The following HTRA4 variants were observed in gnomAD, a reference collection of about 807,000 sequenced individuals.
The protein encoded by HTRA4 is HtrA serine peptidase 4.
A neutral mutation model predicts 49.1 loss-of-function variants in HTRA4; 46 were observed. That is an observed-to-expected ratio of 0.94 (90% CI 0.74 to 1.20). The LOEUF (loss-of-function observed/expected upper bound fraction) is 1.20. Among genes scored for constraint, HTRA4 ranks in the 50% most tolerant of loss-of-function variants. HTRA4 has a pLI of 0.00. For missense variants in HTRA4, 602 were observed against 636.9 expected (o/e 0.95, Z 0.59); for synonymous variants, 261 against 264.0 (o/e 0.99, Z 0.11).
chr8:38,979,223 T>C lies in HTRA4; in HGVS notation c.975T>C (p.Asn325=). ...VQIDATINYG[N]SGGPLVNLDG... is the part of the protein sequence containing the mutation. Reference sequence around the variant, plus strand: ...TCAAATTCTGCTTTTAGTATGGGAATTCTGGTGGTCCTCTGGTGAACTTGG... The same window carrying C: ...TCAAATTCTGCTTTTAGTATGGGAACTCTGGTGGTCCTCTGGTGAACTTGG... Residue 325 remains asparagine, a synonymous_variant, in exon 5 of 9, where the codon AAT becomes AAC. Transcript: ENST00000302495. The C allele has an allele frequency of 1.2e-6, 2 of 1,613,288 alleles. No homozygotes were observed. Among genetic ancestry groups the C allele is most frequent in the Non-Finnish European group, 1.7e-6 (2 of 1,179,190 alleles).
Position 38,974,601 on chromosome 8 carries a change from G to GCA in HTRA4, c.338_339insCA (p.Ala114ArgfsTer94). 9.1e-6 allele frequency: 13 copies of GCA among 1,426,988 alleles called. No homozygotes were observed. Among genetic ancestry groups the GCA allele is most frequent in the Non-Finnish European group, 1.0e-5 (11 of 1,096,868 alleles). The allele number at this position is 1,426,988 out of a possible 1,614,324, so 88.4% of individuals were successfully genotyped here. On this transcript the variant is annotated frameshift_variant, in exon 1 of 9. Coordinates refer to ENST00000302495, the MANE Select transcript of HTRA4 (RefSeq NM_153692.4). LOFTEE classifies it high-confidence loss of function. ...ACCTGCGGTTGCCCGACGCTGGGAG[G>GCA]GGCCGTGTGCGGCAGCGACAGGCGC...
chr8:38,979,450 T>C (rs1835393343), intron 5 of HTRA4, among the ~76,000 whole-genome samples: 1 of 152,150 alleles, frequency 6.6e-6, no homozygotes, highest in Non-Finnish European at 1.5e-5. Flanking sequence ...ACTTTACATA[T>C]TCCATGATGC....
intron 6 of HTRA4, among the ~76,000 whole-genome samples, chr8:38,981,980 TG>T (rs1206042934): frequency 6.6e-6 from 1 of 152,048 alleles, no homozygotes; most frequent in African/African-American, 2.4e-5. Context: ...TCCGAGTAGC[TG>T]GGACTACAGG....
Position 38,974,722 on chromosome 8 carries a change from G to A in HTRA4, c.459G>A (p.Gly153=), listed in dbSNP as rs764542751. ...TGCCTGTGCAGTGGGGGAACTGCGG[G>A]GATACAGGTGAGCCGCGGGGGCGCG... ...PAVPVQWGNC[G]DTGTRSAGPL... The change falls in exon 1 of 9, where the codon GGG becomes GGA. Residue 153 remains glycine, a synonymous_variant. Coordinates refer to ENST00000302495, the MANE Select transcript of HTRA4 (RefSeq NM_153692.4). 4.9e-6 allele frequency: 7 copies of A among 1,426,588 alleles called. No individual in the cohort carries two copies. In the African/African-American group the frequency reaches 5.8e-5, roughly 12 times the overall value. 88.4% of individuals were successfully genotyped at this position (1,426,588 alleles called of 1,614,324 possible). A position where few individuals can be genotyped will look rare whatever the true frequency, so the allele number is the denominator to read the frequency against.
In HTRA4 at chr8:38,976,520, G is replaced by A. The variant is rs577387787; in HGVS notation, c.567-15G>A. On this transcript the variant is annotated splice_polypyrimidine_tract_variant and intron_variant, in intron 2 of 8. Transcript: ENST00000302495. The stretch of plus-strand genomic sequence containing the variant: ...TTTCTTGCCCTCTGTTTACACTATT[G>A]TCTTGTGGAGACAGGTTACTTCACG... 1.2e-5 allele frequency: 19 copies of A among 1,612,986 alleles called. No homozygotes were observed. In the Admixed American group the frequency reaches 3.0e-4, roughly 25 times the overall value.
At chr8:38,974,886 T>G (rs932108522) in intron 1 of HTRA4, 145 bp from the exon 2 acceptor site, 36 of 1,208,438 alleles carry the variant, frequency 3.0e-5, no homozygotes, top group Non-Finnish European at 3.9e-5. Context: ...CCTTTCCTCC[T>G]TAACAGGGGC....
rs1273791598 is a variant in HTRA4, at chr8:38,988,233, C to T, written c.*135C>T. On this transcript the variant is annotated 3_prime_UTR_variant, in exon 9 of 9. Coordinates refer to ENST00000302495, the MANE Select transcript of HTRA4 (RefSeq NM_153692.4). ...ACAAAGAAAAATGGATGGTTATCAACCCAAATGCCCATCAATGACAGACTG... is the reference window on the plus strand; with the variant it reads ...ACAAAGAAAAATGGATGGTTATCAATCCAAATGCCCATCAATGACAGACTG... The T allele has an allele frequency of 1.7e-5, 12 of 715,618 alleles. No homozygotes were observed. Among genetic ancestry groups the T allele is most frequent in the Non-Finnish European group, 2.7e-5 (12 of 451,622 alleles). The allele number at this position is 715,618 out of a possible 1,614,324, so 44.3% of individuals were successfully genotyped here. A position where few individuals can be genotyped will look rare whatever the true frequency, so the allele number is the denominator to read the frequency against.
In HTRA4 at chr8:38,981,654, ATGG is replaced by A. The variant is rs146921385; in HGVS notation, c.1004_1006del (p.Gly335del). The stretch of plus-strand genomic sequence containing the variant: ...GAATGATGTCCCCTCCCTTGCCAGG[ATGG>A]TGATGTGATTGGCGTCAATTCATTG... On this transcript the variant is annotated inframe_deletion and splice_region_variant, in exon 6 of 9. Coordinates refer to ENST00000302495, the MANE Select transcript of HTRA4 (RefSeq NM_153692.4). 252 of 1,611,658 alleles carry A rather than the reference ATGG, an allele frequency of 1.6e-4. 1 individual carries two copies. The East Asian group carries it at 5.6e-3, about 36-fold the overall frequency.
chr8:38,979,166 G>A (rs761529038), intron 4 of HTRA4, 49 bp from the exon 5 acceptor site: 1 of 1,504,538 alleles, frequency 6.6e-7, no homozygotes, highest in South Asian at 1.1e-5. Context: ...GGACAAGGGG[G>A]AATGTATTCA....
intron 8 of HTRA4, among the ~76,000 whole-genome samples, chr8:38,987,659 A>C (rs1835499836): frequency 6.6e-6 from 1 of 152,214 alleles, no homozygotes; most frequent in Admixed American, 6.5e-5. Context: ...TCCCCCTTCC[A>C]AACCAACTCC....
rs1306996065 is a variant in HTRA4, at chr8:38,976,729, T to C, written c.761T>C (p.Ile254Thr). 9 of 1,614,058 alleles carry C rather than the reference T, an allele frequency of 5.6e-6. No individual in the cohort carries two copies. Among genetic ancestry groups the C allele is most frequent in the Non-Finnish European group, 7.6e-6 (9 of 1,180,036 alleles). Residue 254 changes from isoleucine to threonine, a missense_variant, in exon 3 of 9, where the codon ATT becomes ACT. Physicochemically the swap from Ile to Thr is moderately conservative, Grantham distance 89 (BLOSUM62 -1). Transcript: ENST00000302495. Reference protein sequence around the residue: ...DLKLDLAVIKIESNAELPVLM... With the variant: ...DLKLDLAVIKTESNAELPVLM... ...AAATTGGATCTTGCGGTGATTAAGA[T>C]TGAATCAAATGTGAGTATTTCAGGG...
In HTRA4 at chr8:38,981,673, C is replaced by A; in HGVS notation, c.1020C>A (p.Val340=). ...GCCAGGATGGTGATGTGATTGGCGTCAATTCATTGAGGGTGACTGATGGAA... is the reference window on the plus strand; with the variant it reads ...GCCAGGATGGTGATGTGATTGGCGTAAATTCATTGAGGGTGACTGATGGAA... ...LVNLDGDVIG[V]NSLRVTDGIS... The change falls in exon 6 of 9, where the codon GTC becomes GTA. Residue 340 remains valine (V), a synonymous_variant. Coordinates refer to ENST00000302495, the MANE Select transcript of HTRA4 (RefSeq NM_153692.4). 12 of 1,613,372 alleles carry A rather than the reference C, an allele frequency of 7.4e-6. No individual in the cohort carries two copies. The highest frequency in any genetic ancestry group is 1.0e-5 in the Non-Finnish European group (12 of 1,179,822).
intron 4 of HTRA4, 80 bp from the exon 5 acceptor site, chr8:38,979,135 G>A (rs545686901): frequency 1.9e-5 from 25 of 1,339,510 alleles, no homozygotes; most frequent in Non-Finnish European, 2.5e-5. Flanking sequence ...TTGGTAAACT[G>A]TTTTGGGAGC....
In HTRA4 at chr8:38,981,077, T is replaced by G. The variant is rs867316375; in HGVS notation, c.1000-576T>G. 1.3e-3 allele frequency among the ~76,000 whole-genome samples: 141 copies of G among 105,188 alleles called. 9 individuals are homozygous for G. Among genetic ancestry groups the G allele is most frequent in the East Asian group, 1.0e-2 (37 of 3,706 alleles). The allele number at this position is 105,188 out of a possible 152,430, so 69.0% of individuals were successfully genotyped here. A position where few individuals can be genotyped will look rare whatever the true frequency, so the allele number is the denominator to read the frequency against. ...AATGAGCTTAAGTTTTTTTTTTTTT[T>G]TTTTTTTTTTTTTTTTTTTTGAGAC... On this transcript the variant is annotated intron_variant, in intron 5 of 8. Transcript: ENST00000302495.
In HTRA4 at chr8:38,976,718, G is replaced by C. The variant is rs778303266; in HGVS notation, c.750G>C (p.Ala250=). The part of the protein sequence containing the change: ...VKDIDLKLDL[A]VIKIESNAEL... ...ATATTGACCTTAAATTGGATCTTGC[G>C]GTGATTAAGATTGAATCAAATGTGA... The change falls in exon 3 of 9, where the codon GCG becomes GCC. Residue 250 remains alanine (A), a synonymous_variant. Transcript: ENST00000302495. 20 of 1,614,008 alleles carry C rather than the reference G, an allele frequency of 1.2e-5. No homozygotes were observed. The African/African-American group carries it at 2.5e-4, about 20-fold the overall frequency.
intron 8 of HTRA4, 120 bp downstream of exon 8, chr8:38,983,168 T>C: frequency 1.7e-6 from 1 of 596,302 alleles, no homozygotes; most frequent in Non-Finnish European, 3.0e-6. Flanking sequence ...TTACATGTAG[T>C]ATGTACTGAG....
intron 8 of HTRA4, among the ~76,000 whole-genome samples, chr8:38,985,444 C>T (rs78165883): frequency 0.024 from 3,687 of 152,272 alleles, 176 homozygotes; most frequent in African/African-American, 0.084. Flanking sequence ...CAGGCGTGAG[C>T]CACCGCCCGC....
At chr8:38,985,454 C>A (rs546046768) in intron 8 of HTRA4, among the ~76,000 whole-genome samples, 3 of 152,126 alleles carry the variant, frequency 2.0e-5, no homozygotes, top group East Asian at 1.9e-4. Context: ...CCACCGCCCG[C>A]GGTCTGTACT....
Position 38,981,739 on chromosome 8 carries a change from G to C in HTRA4, c.1086G>C (p.Leu362Phe). The change falls in exon 6 of 9, where the codon TTG becomes TTC. Residue 362 changes from leucine (L) to phenylalanine (F), a missense_variant. Leu to Phe is a conservative substitution (Grantham distance 22, BLOSUM62 0). Coordinates refer to ENST00000302495, the MANE Select transcript of HTRA4 (RefSeq NM_153692.4). ...AIPSDRVRQF[L>F]AEYHEHQMKG... ...CTTCAGATCGAGTTAGGCAGTTCTT[G>C]GCAGAATACCATGAGCACCAGATGA... 1 of 1,613,418 alleles carries C rather than the reference G, an allele frequency of 6.2e-7. No homozygotes were observed. The highest frequency in any genetic ancestry group is 8.5e-7 in the Non-Finnish European group (1 of 1,179,716).
Sources: gnomAD v4.1 joint callset for allele counts (sites outside exome capture counted in the v4.1 genomes callset) on GRCh38, gnomAD v4.1.1 for gene constraint, MANE v1.5 for transcripts, NCBI Gene and HGNC (gene_info 2026-07-23, HGNC 2026-07-21) for gene names.